Variants in TTLL7 observed in about 807,000 individuals in gnomAD.
TTLL7 encodes the protein tubulin tyrosine ligase like 7.
A neutral mutation model predicts 120.2 loss-of-function variants in TTLL7; 53 were observed. The observed-to-expected ratio is 0.44, with a 90% CI of 0.35 to 0.55. TTLL7 has a LOEUF of 0.55. TTLL7 is among the 20% of genes least tolerant of loss of function. The probability of loss-of-function intolerance (pLI) is 0.00; values close to 1 mark genes in which losing one functional copy is unlikely to be tolerated. For synonymous variants in TTLL7, 353 were observed against 351.7 expected, an observed-to-expected ratio of 1.00 and a Z score of -0.04; for missense variants, 803 against 1,054.7, an observed-to-expected ratio of 0.76 and a Z score of 3.31.
In TTLL7 at chr1:83,957,531, A is replaced by C. The variant is rs1571307873; in HGVS notation, c.-176-5144T>G. On this transcript the variant is annotated intron_variant, in intron 1 of 20. Transcript: ENST00000260505. ...CATAACTTTATTTAGTCCACCCAAC[A>C]AATACCCAGTACCTTTTATTCCCAT... Among the ~76,000 whole-genome samples, 4 of 152,312 alleles carry C rather than the reference A, an allele frequency of 2.6e-5. No individual in the cohort carries two copies. The South Asian group carries it at 8.3e-4, about 32-fold the overall frequency.
chr1:83,989,721 G>A (rs1652806564), intron 1 of TTLL7, among the ~76,000 whole-genome samples: 1 of 152,066 alleles, frequency 6.6e-6, no homozygotes, highest in African/African-American at 2.4e-5. Flanking sequence ...AATGACTTTG[G>A]TAGCTTGATA....
intron 1 of TTLL7, among the ~76,000 whole-genome samples, chr1:83,952,659 T>C (rs1649166527): frequency 6.6e-6 from 1 of 152,162 alleles, no homozygotes; most frequent in South Asian, 2.1e-4. Flanking sequence ...ATAACAGCAA[T>C]AACAATATTC....
chr1:83,935,906 C>A (rs1348571886), intron 8 of TTLL7, among the ~76,000 whole-genome samples: 1 of 151,990 alleles, frequency 6.6e-6, no homozygotes, highest in Non-Finnish European at 1.5e-5. Context: ...TACATAAATG[C>A]AGACAGGTGT....
intron 1 of TTLL7, among the ~76,000 whole-genome samples, chr1:83,972,052 T>A (rs566812225): frequency 2.0e-5 from 3 of 152,038 alleles, no homozygotes; most frequent in African/African-American, 7.2e-5. Flanking sequence ...CCCTCCCCCA[T>A]TATCAACATC....
chr1:83,929,141 G>T lies in TTLL7; in HGVS notation c.1137C>A (p.Asn379Lys). The T allele has an allele frequency of 6.2e-7, 1 of 1,605,774 alleles. No homozygotes were observed. Among genetic ancestry groups the T allele is most frequent in the Non-Finnish European group, 8.5e-7 (1 of 1,173,686 alleles). The change falls in exon 10 of 21, where the codon AAC becomes AAA. Residue 379 changes from asparagine to lysine, a missense_variant. Transcript: ENST00000260505. ...GVLLNALKLL[N>K]IRTSDKRRNL... ...AGATAGAGAGAGTATTTTACCTTATGTTTAGTAGCTTCAACGCATTTAGCA... is the reference window on the plus strand; with the variant it reads ...AGATAGAGAGAGTATTTTACCTTATTTTTAGTAGCTTCAACGCATTTAGCA...
intron 18 of TTLL7, among the ~76,000 whole-genome samples, chr1:83,892,505 A>AATGAACATATAT (rs1214362247): frequency 1.5e-5 from 1 of 68,842 alleles, no homozygotes; most frequent in South Asian, 3.8e-4. Context: ...TGAACATATG[A>AATGAACATATAT]ATGAACATAT....
chr1:83,910,614 T>G (rs1387539810), intron 15 of TTLL7, among the ~76,000 whole-genome samples: 1 of 152,090 alleles, frequency 6.6e-6, no homozygotes, highest in Non-Finnish European at 1.5e-5. Context: ...AACAGCTGGT[T>G]GGCTGCTCTC....
Position 83,942,589 on chromosome 1 carries a change from AC to A in TTLL7, c.596del (p.Gly199ValfsTer18). Reference sequence around the variant, plus strand: ...TATAAATTCGTAAGTCAAACTTGTAACCTTCCATTAGGAAAGGCTTTTCAAT... The same window carrying A: ...TATAAATTCGTAAGTCAAACTTGTAACTTCCATTAGGAAAGGCTTTTCAAT... ...EYIEKPFLME[G>X]YKFDLRIYIL... On this transcript the variant is annotated frameshift_variant, in exon 7 of 21. Coordinates refer to ENST00000260505, the MANE Select transcript of TTLL7 (RefSeq NM_024686.6). LOFTEE classifies it high-confidence loss of function. 1 of 1,613,806 alleles carries A rather than the reference AC, an allele frequency of 6.2e-7. No individual in the cohort carries two copies.
chr1:83,929,267 T>C, intron 9 of TTLL7, 37 bp from the exon 10 acceptor site: 2 of 1,462,116 alleles, frequency 1.4e-6, no homozygotes, highest in Non-Finnish European at 1.9e-6. Context: ...GGAAGGTAAA[T>C]AAATATTCAA....
At chr1:83,937,704 T>C in intron 8 of TTLL7, 148 bp downstream of exon 8, 1 of 803,606 alleles carries the variant, frequency 1.2e-6, no homozygotes. Flanking sequence ...AGCGTGTGGC[T>C]GTGTAATGAT....
chr1:83,993,641 G>A (rs184300044), intron 1 of TTLL7, among the ~76,000 whole-genome samples: 92 of 152,292 alleles, frequency 6.0e-4, no homozygotes, highest in Non-Finnish European at 1.1e-3. Context: ...TCAAAAGAAA[G>A]GATCAGAGAC....
chr1:83,908,572 T>C (rs868795489), intron 15 of TTLL7, among the ~76,000 whole-genome samples: 12 of 152,118 alleles, frequency 7.9e-5, no homozygotes, highest in Middle Eastern at 3.4e-3. Flanking sequence ...CCCCAATGCA[T>C]ACTAAGAACA....
chr1:83,933,341 A>T (rs1442306237), intron 9 of TTLL7, among the ~76,000 whole-genome samples: 2 of 152,180 alleles, frequency 1.3e-5, no homozygotes, highest in African/African-American at 2.4e-5. Flanking sequence ...GCAACAAAAC[A>T]GTAAAAGCAC....
intron 1 of TTLL7, among the ~76,000 whole-genome samples, chr1:83,990,342 AT>A (rs1420933041): frequency 6.6e-6 from 1 of 151,666 alleles, no homozygotes; most frequent in Non-Finnish European, 1.5e-5. Context: ...CGCCCGGCTA[AT>A]TTTTTGTATT....
intron 18 of TTLL7, among the ~76,000 whole-genome samples, chr1:83,895,711 A>G (rs1656155277): frequency 6.6e-6 from 1 of 151,994 alleles, no homozygotes; most frequent in Admixed American, 6.6e-5. Context: ...CTTGCCCAAG[A>G]TTACCCAGCT....
At chr1:83,937,138 C>A (rs1258950622) in intron 8 of TTLL7, among the ~76,000 whole-genome samples, 1 of 151,908 alleles carries the variant, frequency 6.6e-6, no homozygotes, top group African/African-American at 2.4e-5. Flanking sequence ...TTTAGTGTAC[C>A]TTTTCTATGT....
chr1:83,921,139 G>A lies in TTLL7; in HGVS notation c.1312C>T (p.Arg438Ter). The change falls in exon 12 of 21, where the codon CGA becomes TGA. Residue 438 changes from arginine (R) to a stop codon, truncating the protein, a stop_gained. Transcript: ENST00000260505. LOFTEE classifies it high-confidence loss of function. ...TGTTCTTCTCGTGAGATCTGCTTTC[G>A]TACTTGAGCGAGTCTCTCTTTCTGG... ...EELKERLAQV[R>*]KQISREEHEN... 1 of 1,612,998 alleles carries A rather than the reference G, an allele frequency of 6.2e-7. No individual in the cohort carries two copies. The highest frequency in any genetic ancestry group is 1.1e-5 in the South Asian group (1 of 90,864).
intron 20 of TTLL7, among the ~76,000 whole-genome samples, chr1:83,877,450 C>A (rs548370397): frequency 6.6e-6 from 1 of 152,050 alleles, no homozygotes; most frequent in South Asian, 2.1e-4. Flanking sequence ...TAGAATTGGC[C>A]AGTGATGCCA....
chr1:83,907,344 GA>G, intron 16 of TTLL7, 111 bp downstream of exon 16: 1 of 907,894 alleles, frequency 1.1e-6, no homozygotes, highest in Non-Finnish European at 1.7e-6. Flanking sequence ...AAGAGGTCAT[GA>G]GTTGAATTAT....
Sources: gnomAD v4.1 joint callset for allele counts (sites outside exome capture counted in the v4.1 genomes callset) on GRCh38, gnomAD v4.1.1 for gene constraint, MANE v1.5 for transcripts, NCBI Gene and HGNC (gene_info 2026-07-23, HGNC 2026-07-21) for gene names.